The following EXOC6 variants were observed in gnomAD, a reference collection of about 807,000 sequenced individuals.
The protein encoded by EXOC6 is SEC15-like 1.
EXOC6 carries 60 observed loss-of-function variants against 112.5 expected under a neutral mutation model. The ratio of observed to expected loss-of-function variants is 0.53; its 90% CI spans 0.43 to 0.66. The LOEUF (loss-of-function observed/expected upper bound fraction) is 0.66. Ranked by LOEUF, EXOC6 falls within the 30% of genes least tolerant of loss-of-function variation. The pLI is 0.00. For missense variants in EXOC6, 855 were observed against 957.1 expected (o/e 0.89, Z 1.41); for synonymous variants, 295 against 308.0 (o/e 0.96, Z 0.44).
chr10:92,883,022 C>T (rs1475775799), intron 1 of EXOC6, among the ~76,000 whole-genome samples: 7 of 152,188 alleles, frequency 4.6e-5, no homozygotes, highest in African/African-American at 1.2e-4. Context: ...TGTAGGGCAA[C>T]GTTCTGCATC....
chr10:93,045,194 T>C (rs1482880871), intron 20 of EXOC6, among the ~76,000 whole-genome samples: 1 of 152,198 alleles, frequency 6.6e-6, no homozygotes, highest in Non-Finnish European at 1.5e-5. Flanking sequence ...TTAATTTTAG[T>C]TCAGCCTTAA....
intron 20 of EXOC6, among the ~76,000 whole-genome samples, chr10:93,023,296 GA>G (rs1360898516): frequency 6.6e-6 from 1 of 152,136 alleles, no homozygotes; most frequent in Non-Finnish European, 1.5e-5. Context: ...AGGAAAGTTA[GA>G]ACCATATCAA....
Position 93,014,207 on chromosome 10 carries a change from T to C in EXOC6, c.2109T>C (p.Ser703=). 1 of 1,613,354 alleles carries C rather than the reference T, an allele frequency of 6.2e-7. No individual in the cohort carries two copies. The highest frequency in any genetic ancestry group is 8.5e-7 in the Non-Finnish European group (1 of 1,179,396). The change falls in exon 20 of 22, where the codon TCT becomes TCC. Residue 703 remains serine, a synonymous_variant. Transcript: ENST00000260762. ...DVIQCELFAS[S]EPVPGFQGDT... ...TTCTTTTAATAGTGTTTGCCAGCTC[T>C]GAGCCTGTGCCAGGATTCCAGGGGG...
intron 18 of EXOC6, 70 bp from the exon 19 acceptor site, chr10:92,997,400 ATTTT>A: frequency 7.1e-7 from 1 of 1,403,962 alleles, no homozygotes. Flanking sequence ...CAGGTGTATG[ATTTT>A]TCTGATTCTT....
upstream of EXOC6, among the ~76,000 whole-genome samples, chr10:92,844,236 A>G (rs1846971889): frequency 6.6e-6 from 1 of 152,140 alleles, no homozygotes; most frequent in East Asian, 1.9e-4. Flanking sequence ...TGGATCATTC[A>G]CTTATTAATT....
At chr10:92,974,983 G>A (rs1326606405) in intron 18 of EXOC6, among the ~76,000 whole-genome samples, 6 of 152,006 alleles carry the variant, frequency 3.9e-5, no homozygotes, top group African/African-American at 1.2e-4. Flanking sequence ...CTGCCCGGCC[G>A]CCACCCCGTC....
chr10:92,928,344 C>T lies in EXOC6; in HGVS notation c.894C>T (p.Asp298=), dbSNP rs75784691. 1.5e-4 allele frequency: 242 copies of T among 1,598,742 alleles called. No homozygotes were observed. In the African/African-American group the frequency reaches 1.9e-3, roughly 13 times the overall value. ...CTCTGCTGATTTTATTTTAGGGTGA[C>T]GAGGAAACATTTGAAAACTATTATC... ...RCLHIYSVLG[D]EETFENYYRK... Residue 298 remains aspartate (D), a synonymous_variant, in exon 9 of 22, where the codon GAC becomes GAT. Transcript: ENST00000260762.
rs1848509345 is a variant in EXOC6, at chr10:92,872,678, A to G, written c.102-20671A>G. ...TGAATTTTTGGGTATATAAATATTA[A>G]TGTTACATCTTTATTTTGAAAAATA... On this transcript the variant is annotated intron_variant, in intron 1 of 21. Transcript: ENST00000260762. 2.6e-5 allele frequency among the ~76,000 whole-genome samples: 4 copies of G among 152,176 alleles called. No homozygotes were observed. The South Asian group carries it at 8.3e-4, about 32-fold the overall frequency.
intron 19 of EXOC6, among the ~76,000 whole-genome samples, chr10:93,003,619 ATATGT>A (rs1165535936): frequency 6.6e-6 from 1 of 152,076 alleles, no homozygotes; most frequent in Non-Finnish European, 1.5e-5. Flanking sequence ...AGAACCTATT[ATATGT>A]TTGTTATATA....
intron 4 of EXOC6, among the ~76,000 whole-genome samples, chr10:92,896,003 A>C (rs1470459787): frequency 1.4e-5 from 2 of 142,590 alleles, no homozygotes; most frequent in Non-Finnish European, 3.0e-5. Context: ...TATATTATAT[A>C]TATATGTGTA....
intron 1 of EXOC6, among the ~76,000 whole-genome samples, chr10:92,873,136 G>A (rs1413231908): frequency 6.6e-6 from 1 of 151,862 alleles, no homozygotes; most frequent in Non-Finnish European, 1.5e-5. Context: ...CTCATTTTTT[G>A]CATTTTACCA....
chr10:93,022,187 T>A (rs1351379804), intron 20 of EXOC6, among the ~76,000 whole-genome samples: 2 of 152,166 alleles, frequency 1.3e-5, no homozygotes, highest in Non-Finnish European at 2.9e-5. Context: ...ACTTTTCAAG[T>A]ATGTGCACTT....
intron 13 of EXOC6, among the ~76,000 whole-genome samples, chr10:92,947,925 A>G (rs142616701): frequency 5.3e-5 from 8 of 152,280 alleles, no homozygotes; most frequent in Non-Finnish European, 1.2e-4. Context: ...AATAGAAAGA[A>G]TTATGACAGG....
At chr10:92,946,179 C>T (rs1461776097) in intron 13 of EXOC6, among the ~76,000 whole-genome samples, 1 of 152,068 alleles carries the variant, frequency 6.6e-6, no homozygotes, top group Non-Finnish European at 1.5e-5. Context: ...GCCTGTAGTC[C>T]CAGCTGCTCA....
rs143682561 is a variant in EXOC6, at chr10:93,003,837, G to A, written c.2095+6222G>A. ...GAGCTGGGTAAAAAGTAAAAATTGA[G>A]ATGGATAAGATTTCACCAAAAGCAG... On this transcript the variant is annotated intron_variant, in intron 19 of 21. Coordinates refer to ENST00000260762, the MANE Select transcript of EXOC6 (RefSeq NM_019053.6). Among the ~76,000 whole-genome samples the A allele has an allele frequency of 8.5e-4, 130 of 152,226 alleles. 2 individuals are homozygous for A. In the East Asian group the frequency reaches 0.021, roughly 25 times the overall value.
chr10:93,004,828 T>A (rs557973449), intron 19 of EXOC6, among the ~76,000 whole-genome samples: 1 of 152,318 alleles, frequency 6.6e-6, no homozygotes, highest in African/African-American at 2.4e-5. Context: ...GCCTCTAACT[T>A]GAGCAAGTTG....
chr10:92,913,840 T>C (rs537221485), intron 6 of EXOC6, among the ~76,000 whole-genome samples: 1 of 152,348 alleles, frequency 6.6e-6, no homozygotes, highest in South Asian at 2.1e-4. Context: ...ACAAAAAAAG[T>C]TATTTTTGAA....
chr10:93,028,347 A>G (rs772099743), intron 20 of EXOC6, among the ~76,000 whole-genome samples: 12 of 152,172 alleles, frequency 7.9e-5, no homozygotes, highest in Non-Finnish European at 1.6e-4. Context: ...GAGGGGTTCA[A>G]GACTTCAGTG....
At chr10:92,929,559 CAT>C (rs1189835399) in intron 9 of EXOC6, among the ~76,000 whole-genome samples, 1 of 151,994 alleles carries the variant, frequency 6.6e-6, no homozygotes, top group African/African-American at 2.4e-5. Flanking sequence ...AATTATTAGC[CAT>C]AGAGTATATA....
Sources: allele counts gnomAD v4.1 joint callset (sites outside exome capture counted in the v4.1 genomes callset), GRCh38; gene constraint gnomAD v4.1.1; transcripts MANE v1.5; gene names NCBI Gene and HGNC (gene_info 2026-07-23, HGNC 2026-07-21).